The following SPECC1L variants were observed in gnomAD, a reference collection of about 807,000 sequenced individuals.
The protein encoded by SPECC1L is sperm antigen with calponin homology and coiled-coil domains 1 like.
SPECC1L carries 40 observed loss-of-function variants against 116.8 expected under a neutral mutation model. That is an observed-to-expected ratio of 0.34 (90% confidence interval 0.27 to 0.45). The LOEUF (loss-of-function observed/expected upper bound fraction) is 0.45, where lower values mean the gene tolerates loss of function less well. Ranked by LOEUF, SPECC1L falls within the 20% of genes least tolerant of loss-of-function variation. SPECC1L has a pLI of 1.00. For synonymous variants in SPECC1L, 504 were observed against 500.6 expected (o/e 1.01, Z -0.09); for missense variants, 1,110 against 1,373.6 (o/e 0.81, Z 3.03).
chr22:24,356,972 C>G (rs1429073715), intron 11 of SPECC1L, among the ~76,000 whole-genome samples: 2 of 151,838 alleles, frequency 1.3e-5, no homozygotes, highest in Non-Finnish European at 2.9e-5. Flanking sequence ...TCACCCCCAT[C>G]TCCCCAGTTA....
intron 14 of SPECC1L, among the ~76,000 whole-genome samples, chr22:24,409,272 T>C (rs565185091): frequency 1.3e-5 from 2 of 152,334 alleles, no homozygotes; most frequent in East Asian, 3.9e-4. Flanking sequence ...TTCTCAGTCC[T>C]AAAATAATAA....
chr22:24,322,191 A>C lies in SPECC1L; in HGVS notation c.1211A>C (p.Glu404Ala). The C allele has an allele frequency of 6.2e-7, 1 of 1,614,086 alleles. No homozygotes were observed. Residue 404 changes from glutamate (E) to alanine (A), a missense_variant, in exon 5 of 17, where the codon GAA becomes GCA. Around this residue, in one of 4 missense-constraint regions of SPECC1L, gnomAD observed 22 missense variants for 60.1 expected, o/e 0.37. Transcript: ENST00000314328. ...ACLTERIHQM[E>A]ENQHSTSEEL... ...CTGACTGAACGGATACACCAGATGG[A>C]AGAGAACCAACACAGTACAAGTGAG...
chr22:24,315,177 G>GAAA (rs1401083866), intron 4 of SPECC1L, among the ~76,000 whole-genome samples: 1 of 152,176 alleles, frequency 6.6e-6, no homozygotes, highest in Non-Finnish European at 1.5e-5. Flanking sequence ...TCCTAGCCCA[G>GAAA]GATTACCTAC....
Position 24,276,741 on chromosome 22 carries a change from A to T in SPECC1L, c.-100A>T, listed in dbSNP as rs2048845176. The T allele has an allele frequency of 2.2e-6, 1 of 453,456 alleles. No individual in the cohort carries two copies. Among genetic ancestry groups the T allele is most frequent in the East Asian group, 7.0e-5 (1 of 14,328 alleles). 28.1% of individuals were successfully genotyped at this position (453,456 alleles called of 1,614,324 possible). ...CCCGACTAAGCCATTTTCCAGTGGC[A>T]CCTCTTCCATCATGAGTTCCTGAGG... On this transcript the variant is annotated 5_prime_UTR_variant, in exon 2 of 17. Transcript: ENST00000314328.
intron 14 of SPECC1L, among the ~76,000 whole-genome samples, chr22:24,391,491 T>C (rs2042273297): frequency 6.6e-6 from 1 of 152,076 alleles, no homozygotes; most frequent in South Asian, 2.1e-4. Context: ...TCAAGGCTTT[T>C]CTCCCCTGGA....
intron 14 of SPECC1L, among the ~76,000 whole-genome samples, chr22:24,391,906 CT>C (rs2042281452): frequency 6.6e-6 from 1 of 152,184 alleles, no homozygotes; most frequent in Non-Finnish European, 1.5e-5. Flanking sequence ...TGCCAATGCT[CT>C]TGTTTAGCTT....
chr22:24,395,257 T>A (rs928051110), intron 14 of SPECC1L, among the ~76,000 whole-genome samples: 13 of 152,248 alleles, frequency 8.5e-5, no homozygotes, highest in Non-Finnish European at 1.9e-4. Flanking sequence ...GAAAGTATAA[T>A]TTTTTATACA....
chr22:24,287,533 G>T (rs1420432351), intron 2 of SPECC1L, among the ~76,000 whole-genome samples: 3 of 152,196 alleles, frequency 2.0e-5, no homozygotes, highest in Non-Finnish European at 4.4e-5. Context: ...TCTTCCAGTC[G>T]CCAAGAGGCG....
At chr22:24,392,003 T>C (rs891948636) in intron 14 of SPECC1L, among the ~76,000 whole-genome samples, 1 of 152,130 alleles carries the variant, frequency 6.6e-6, no homozygotes, top group East Asian at 1.9e-4. Context: ...TTCTCAGAAG[T>C]TAGAGGAAGT....
At chr22:24,303,394 C>T (rs986171256) in intron 3 of SPECC1L, among the ~76,000 whole-genome samples, 1 of 152,206 alleles carries the variant, frequency 6.6e-6, no homozygotes, top group Admixed American at 6.5e-5. Context: ...GGAATAGACC[C>T]TTGCCCAGCT....
rs188618771 is a variant in SPECC1L at position 24,415,054 on chromosome 22, C to T, written c.*431C>T. 180 of 246,266 alleles carry T rather than the reference C, an allele frequency of 7.3e-4. 1 individual carries two copies. The highest frequency in any genetic ancestry group is 3.8e-3 in the South Asian group (75 of 19,912). The allele number at this position is 246,266 out of a possible 1,614,324, so 15.3% of individuals were successfully genotyped here. On this transcript the variant is annotated 3_prime_UTR_variant, in exon 17 of 17. Coordinates refer to ENST00000314328, the MANE Select transcript of SPECC1L (RefSeq NM_015330.6). The stretch of plus-strand genomic sequence containing the variant: ...CCTGACTATTGGCTGGGGTGGGTTC[C>T]GGTGCTGGTGAGAACCCAGAAGGAG...
At chr22:24,382,704 C>CAA (rs34174849) in intron 14 of SPECC1L, among the ~76,000 whole-genome samples, 600 of 59,156 alleles carry the variant, frequency 0.01, 12 homozygotes, top group African/African-American at 0.023. Context: ...GACTCCATCT[C>CAA]AAAAAAAAAA....
chr22:24,282,276 T>G (rs977140604), intron 2 of SPECC1L, among the ~76,000 whole-genome samples: 5 of 152,218 alleles, frequency 3.3e-5, no homozygotes, highest in African/African-American at 1.2e-4. Context: ...TAATTTCTAA[T>G]CTTGTGTCTA....
At chr22:24,340,218 G>C (rs146407288) in intron 10 of SPECC1L, among the ~76,000 whole-genome samples, 1 of 134,150 alleles carries the variant, frequency 7.5e-6, no homozygotes, top group Admixed American at 8.9e-5. Flanking sequence ...GCATGATTTC[G>C]GCTCACTGCA....
intron 11 of SPECC1L, among the ~76,000 whole-genome samples, chr22:24,353,298 T>A (rs1003496059): frequency 1.3e-5 from 2 of 152,318 alleles, no homozygotes; most frequent in African/African-American, 4.8e-5. Context: ...CTGCAGCTGC[T>A]TCTCACTCTT....
chr22:24,350,256 C>T (rs1236708474), intron 11 of SPECC1L, among the ~76,000 whole-genome samples: 6 of 152,086 alleles, frequency 3.9e-5, no homozygotes, highest in Admixed American at 1.3e-4. Context: ...TCACTGGTCC[C>T]ATTCTAACAT....
At chr22:24,374,175 G>C (rs1007579798) in intron 14 of SPECC1L, among the ~76,000 whole-genome samples, 5 of 152,042 alleles carry the variant, frequency 3.3e-5, no homozygotes, top group African/African-American at 1.2e-4. Context: ...CTGTTGGTGG[G>C]ACTGTAAACT....
At chr22:24,351,832 T>C (rs2041430919) in intron 11 of SPECC1L, among the ~76,000 whole-genome samples, 1 of 152,220 alleles carries the variant, frequency 6.6e-6, no homozygotes, top group African/African-American at 2.4e-5. Flanking sequence ...AAATACAGTG[T>C]GTAATTTTCG....
intron 14 of SPECC1L, among the ~76,000 whole-genome samples, chr22:24,409,197 C>T (rs1346653196): frequency 2.6e-5 from 4 of 152,124 alleles, no homozygotes; most frequent in African/African-American, 9.7e-5. Flanking sequence ...TCACTCATTC[C>T]TGGGAGGAGT....
Sources: gnomAD v4.1 joint callset for allele counts (sites outside exome capture counted in the v4.1 genomes callset) on GRCh38, gnomAD v4.1.1 for gene constraint, gnomAD v4.1.1 regional missense constraint, MANE v1.5 for transcripts, NCBI Gene and HGNC (gene_info 2026-07-23, HGNC 2026-07-21) for gene names.